The following VRK2 variants were observed in gnomAD, a reference collection of about 807,000 sequenced individuals.
VRK2 encodes the protein VRK serine/threonine kinase 2, also known as serine/threonine-protein kinase VRK2.
In VRK2, 60 loss-of-function variants were observed where a neutral mutation model predicts 57.6. The observed-to-expected ratio is 1.04, with a 90% CI of 0.85 to 1.29. The LOEUF (loss-of-function observed/expected upper bound fraction) is 1.29, where lower values mean the gene tolerates loss of function less well. VRK2 is among the 50% of genes most tolerant of loss of function. VRK2 has a pLI of 0.00. For missense variants in VRK2, 705 were observed against 588.1 expected, an observed-to-expected ratio of 1.20 and a Z score of -2.06; for synonymous variants, 231 against 199.2, an observed-to-expected ratio of 1.16 and a Z score of -1.35.
intron 1 of VRK2, among the ~76,000 whole-genome samples, chr2:58,021,833 G>C (rs146558305): frequency 1.4e-4 from 21 of 152,128 alleles, no homozygotes; most frequent in Non-Finnish European, 2.4e-4. Flanking sequence ...TGTAAGCCTG[G>C]AAAATATGAT....
At chr2:57,961,623 A>ACCC (rs10588765) in intron 1 of VRK2, among the ~76,000 whole-genome samples, 36 of 95,864 alleles carry the variant, frequency 3.8e-4, no homozygotes, top group African/African-American at 1.2e-3. Context: ...CACTGTACCC[A>ACCC]CCCCCCCCCC....
chr2:58,124,372 A>G (rs913465125), intron 8 of VRK2, among the ~76,000 whole-genome samples: 1 of 152,202 alleles, frequency 6.6e-6, no homozygotes, highest in Non-Finnish European at 1.5e-5. Flanking sequence ...AGCAACACAA[A>G]AAGTCAATTC....
intron 7 of VRK2, among the ~76,000 whole-genome samples, chr2:58,101,390 G>GT (rs921964280): frequency 3.4e-4 from 51 of 151,498 alleles, no homozygotes; most frequent in African/African-American, 1.2e-3. Context: ...AAATACTTTA[G>GT]TATGTATGCA....
intron 7 of VRK2, among the ~76,000 whole-genome samples, chr2:58,104,071 C>A (rs897714251): frequency 2.6e-5 from 4 of 151,528 alleles, no homozygotes; most frequent in African/African-American, 9.7e-5. Flanking sequence ...AAGGAACATA[C>A]CTCAAAATAA....
chr2:57,985,698 T>C (rs894044450), intron 1 of VRK2, among the ~76,000 whole-genome samples: 1 of 152,066 alleles, frequency 6.6e-6, no homozygotes, highest in African/African-American at 2.4e-5. Flanking sequence ...CTGAAGGTCA[T>C]AGCTTCAGTA....
intron 7 of VRK2, 114 bp from the exon 8 acceptor site, chr2:58,122,987 A>G (rs1677749628): frequency 5.2e-6 from 7 of 1,356,766 alleles, no homozygotes; most frequent in Non-Finnish European, 3.9e-6. Flanking sequence ...ATTTGGTTTA[A>G]TAAAATGTAG....
chr2:58,084,449 G>C (rs1418313680), intron 3 of VRK2, among the ~76,000 whole-genome samples: 1 of 147,980 alleles, frequency 6.8e-6, no homozygotes, highest in African/African-American at 2.5e-5. Context: ...ATTTCTTTTT[G>C]GTGTCCCCTG....
At chr2:58,085,516 A>G (rs1325289134) in intron 4 of VRK2, among the ~76,000 whole-genome samples, 1 of 152,004 alleles carries the variant, frequency 6.6e-6, no homozygotes, top group African/African-American at 2.4e-5. Context: ...GAGAGGAAAA[A>G]TAACAGCATT....
At chr2:58,137,130 T>C in intron 10 of VRK2, among the ~76,000 whole-genome samples, 1 of 60,614 alleles carries the variant, frequency 1.6e-5, no homozygotes, top group East Asian at 5.8e-4. Flanking sequence ...TATGTGTATA[T>C]ATCATATATC....
chr2:57,920,572 C>G (rs13386892), intron 1 of VRK2, among the ~76,000 whole-genome samples: 2,668 of 152,148 alleles, frequency 0.018, 78 homozygotes, highest in African/African-American at 0.061. Context: ...TCATTCTCAA[C>G]AACAAAAGCT....
chr2:57,921,809 C>T (rs1336770771), intron 1 of VRK2, among the ~76,000 whole-genome samples: 1 of 152,086 alleles, frequency 6.6e-6, no homozygotes, highest in Non-Finnish European at 1.5e-5. Flanking sequence ...CCCCTCCTTT[C>T]CATTTCCTGG....
At chr2:57,911,686 T>C (rs1031807259) in intron 1 of VRK2, among the ~76,000 whole-genome samples, 3 of 152,202 alleles carry the variant, frequency 2.0e-5, no homozygotes, top group African/African-American at 4.8e-5. Context: ...GGAGCCTGGA[T>C]AGTTTACAGT....
intron 7 of VRK2, among the ~76,000 whole-genome samples, chr2:58,094,674 C>T (rs1215024118): frequency 1.3e-5 from 2 of 152,040 alleles, no homozygotes; most frequent in Non-Finnish European, 2.9e-5. Context: ...CTCTCTTATT[C>T]ATTACAGTTT....
chr2:58,111,557 G>C (rs1291245147), intron 7 of VRK2, among the ~76,000 whole-genome samples: 2 of 151,944 alleles, frequency 1.3e-5, no homozygotes, highest in East Asian at 3.9e-4. Context: ...TTCAAGACCA[G>C]CCCAGGCAAA....
At chr2:57,912,857 C>T (rs946322635) in intron 1 of VRK2, among the ~76,000 whole-genome samples, 10 of 152,080 alleles carry the variant, frequency 6.6e-5, no homozygotes, top group South Asian at 2.1e-4. Context: ...CCTAATGTGA[C>T]GGTATTAGAA....
intron 1 of VRK2, among the ~76,000 whole-genome samples, chr2:57,934,617 C>A (rs2678887): frequency 0.7 from 105,820 of 152,112 alleles, 38,302 homozygotes; most frequent in African/African-American, 0.92. Flanking sequence ...ATGTTCCCCC[C>A]GATTTGGGAC....
intron 2 of VRK2, among the ~76,000 whole-genome samples, chr2:58,073,126 TTA>T (rs1374332551): frequency 4.6e-5 from 7 of 152,164 alleles, no homozygotes; most frequent in African/African-American, 1.7e-4. Context: ...ATTTTGACTT[TTA>T]GTCATTAATT....
rs552325087 is a variant in VRK2 at position 57,944,824 on chromosome 2, C to T, written c.-439+36985C>T. Among the ~76,000 whole-genome samples, 618 of 151,746 alleles carry T rather than the reference C, an allele frequency of 4.1e-3. 5 individuals carry two copies. Among genetic ancestry groups the T allele is most frequent in the African/African-American group, 0.014 (585 of 41,314 alleles). The stretch of plus-strand genomic sequence containing the variant: ...AAAAAAAAGTCATCCCCCTTGTTCC[C>T]TTTTTTTCAAGAAGATGAAGAAAGA... On this transcript the variant is annotated intron_variant, in intron 1 of 15. Transcript: ENST00000417641.
chr2:58,079,474 A>G (rs1323809168), intron 2 of VRK2, among the ~76,000 whole-genome samples: 3 of 151,934 alleles, frequency 2.0e-5, no homozygotes, highest in Non-Finnish European at 2.9e-5. Context: ...ATGATTTTCT[A>G]TTTTTATCAT....
Sources: allele counts gnomAD v4.1 joint callset (sites outside exome capture counted in the v4.1 genomes callset), GRCh38; gene constraint gnomAD v4.1.1; transcripts MANE v1.5; gene names NCBI Gene and HGNC (gene_info 2026-07-23, HGNC 2026-07-21).